OXCT1: variants seen among roughly 807,000 people sequenced by gnomAD.
OXCT1 encodes the protein succinyl-CoA:3-ketoacid coenzyme A transferase 1, mitochondrial.
A neutral mutation model predicts 69.6 loss-of-function variants in OXCT1; 27 were observed. The ratio of observed to expected loss-of-function variants is 0.39; its 90% CI spans 0.29 to 0.54. The LOEUF is 0.54. Ranked by LOEUF, OXCT1 falls within the 20% of genes least tolerant of loss-of-function variation. The pLI is 0.72. For missense variants in OXCT1, 437 were observed against 650.2 expected, an observed-to-expected ratio of 0.67 and a Z score of 3.57; for synonymous variants, 202 against 217.8, an observed-to-expected ratio of 0.93 and a Z score of 0.64.
intron 7 of OXCT1, among the ~76,000 whole-genome samples, chr5:41,820,271 T>G (rs1454320289): frequency 6.6e-6 from 1 of 152,198 alleles, no homozygotes; most frequent in African/African-American, 2.4e-5. Flanking sequence ...ATAACATCCA[T>G]GTTGTTGAGA....
At chr5:41,802,168 A>G (rs1275719284) in intron 10 of OXCT1, among the ~76,000 whole-genome samples, 1 of 152,066 alleles carries the variant, frequency 6.6e-6, no homozygotes, top group Non-Finnish European at 1.5e-5. Context: ...CTTTTATCCA[A>G]ATATATATCA....
intron 4 of OXCT1, among the ~76,000 whole-genome samples, chr5:41,852,801 T>C (rs979159698): frequency 1.3e-5 from 2 of 152,164 alleles, no homozygotes; most frequent in Non-Finnish European, 2.9e-5. Context: ...TGGAGAGGCA[T>C]GGTGGCTTAC....
At chr5:41,758,735 C>T (rs1285337614) in intron 14 of OXCT1, among the ~76,000 whole-genome samples, 1 of 152,124 alleles carries the variant, frequency 6.6e-6, no homozygotes, top group East Asian at 1.9e-4. Flanking sequence ...CAGGTTTGTA[C>T]CCAAGGCTGC....
intron 7 of OXCT1, among the ~76,000 whole-genome samples, chr5:41,830,894 C>T (rs1169127945): frequency 2.0e-5 from 3 of 152,052 alleles, no homozygotes; most frequent in Non-Finnish European, 4.4e-5. Flanking sequence ...GCATGATGCC[C>T]CAAATCTCTA....
chr5:41,818,633 C>T (rs1747373048), intron 7 of OXCT1, among the ~76,000 whole-genome samples: 1 of 152,106 alleles, frequency 6.6e-6, no homozygotes, highest in South Asian at 2.1e-4. Context: ...TACCTTTTCT[C>T]GCTTTTATTA....
At chr5:41,814,443 C>A (rs1407158247) in intron 7 of OXCT1, among the ~76,000 whole-genome samples, 1 of 152,008 alleles carries the variant, frequency 6.6e-6, no homozygotes, top group Non-Finnish European at 1.5e-5. Flanking sequence ...TATTGCGGCT[C>A]TATTCACAAT....
At chr5:41,733,022 G>T (rs1402726819) in intron 16 of OXCT1, among the ~76,000 whole-genome samples, 1 of 152,042 alleles carries the variant, frequency 6.6e-6, no homozygotes, top group Non-Finnish European at 1.5e-5. Context: ...GCATGATTTG[G>T]TATATAGCTT....
intron 11 of OXCT1, among the ~76,000 whole-genome samples, chr5:41,797,760 C>T (rs1292034710): frequency 1.3e-5 from 2 of 152,150 alleles, no homozygotes; most frequent in Non-Finnish European, 2.9e-5. Flanking sequence ...ATCAGAATCA[C>T]ATGGAAGATT....
intron 11 of OXCT1, among the ~76,000 whole-genome samples, chr5:41,796,961 T>C (rs1368250999): frequency 6.6e-6 from 1 of 152,116 alleles, no homozygotes; most frequent in East Asian, 1.9e-4. Flanking sequence ...TATGGTGGGG[T>C]TGTATGGCCA....
intron 16 of OXCT1, among the ~76,000 whole-genome samples, chr5:41,738,486 G>A (rs890674225): frequency 6.6e-6 from 1 of 152,170 alleles, no homozygotes; most frequent in African/African-American, 2.4e-5. Flanking sequence ...TGCCACATAA[G>A]ACGTGCCTTT....
At position 41,843,608 on chromosome 5, in the gene OXCT1, C is replaced by T. The variant is rs944883098; in HGVS notation, c.565-827G>A. ...TCTTTTATTCTTGACGGTTTATTTC[C>T]GGGAATTAAAACAAGCATCCATTGC... On this transcript the variant is annotated intron_variant, in intron 5 of 16. Transcript: ENST00000196371. The T allele has an allele frequency of 1.5e-5, 7 of 455,782 alleles. No individual in the cohort carries two copies. In the East Asian group the frequency reaches 4.2e-4, roughly 27 times the overall value. The allele number at this position is 455,782 out of a possible 1,614,324, so 28.2% of individuals were successfully genotyped here. A position where few individuals can be genotyped will look rare whatever the true frequency, so the allele number is the denominator to read the frequency against.
intron 7 of OXCT1, among the ~76,000 whole-genome samples, chr5:41,824,454 G>C: frequency 6.6e-6 from 1 of 151,844 alleles, no homozygotes; most frequent in East Asian, 1.9e-4. Context: ...CTATTTCCTG[G>C]GAATGAATTT....
chr5:41,863,529 C>T (rs549179904), intron 1 of OXCT1, among the ~76,000 whole-genome samples: 14 of 152,230 alleles, frequency 9.2e-5, no homozygotes, highest in East Asian at 5.8e-4. Flanking sequence ...AAAAGCCTGG[C>T]GCTTTAAGTG....
At chr5:41,817,490 T>G (rs1429454951) in intron 7 of OXCT1, among the ~76,000 whole-genome samples, 1 of 152,204 alleles carries the variant, frequency 6.6e-6, no homozygotes, top group Non-Finnish European at 1.5e-5. Context: ...TTGTGTAGTA[T>G]CTTTCTAATT....
chr5:41,854,562 A>G (rs1294733664), intron 3 of OXCT1, among the ~76,000 whole-genome samples: 1 of 152,016 alleles, frequency 6.6e-6, no homozygotes, highest in Admixed American at 6.6e-5. Flanking sequence ...AGAATACTTG[A>G]CCTTAAGCTT....
intron 7 of OXCT1, among the ~76,000 whole-genome samples, chr5:41,810,952 T>G (rs1468438142): frequency 6.6e-6 from 1 of 151,870 alleles, no homozygotes; most frequent in Admixed American, 6.6e-5. Context: ...TTCCAGGCTT[T>G]CTTCCTGACT....
At chr5:41,866,837 T>C (rs569427419) in intron 1 of OXCT1, among the ~76,000 whole-genome samples, 2 of 152,320 alleles carry the variant, frequency 1.3e-5, no homozygotes, top group African/African-American at 4.8e-5. Flanking sequence ...AAGGAGTAAT[T>C]CATTCTACCT....
intron 9 of OXCT1, 71 bp from the exon 10 acceptor site, chr5:41,803,234 A>G: frequency 1.1e-6 from 1 of 943,040 alleles, no homozygotes; most frequent in Non-Finnish European, 1.7e-6. Flanking sequence ...TTCTACATAT[A>G]CAGATCTGAA....
chr5:41,734,926 G>A (rs1292993828), intron 16 of OXCT1, among the ~76,000 whole-genome samples: 1 of 152,124 alleles, frequency 6.6e-6, no homozygotes, highest in African/African-American at 2.4e-5. Flanking sequence ...CATTAGAATG[G>A]CCACTATTAA....
Sources: allele counts gnomAD v4.1 joint callset (sites outside exome capture counted in the v4.1 genomes callset), GRCh38; gene constraint gnomAD v4.1.1; transcripts MANE v1.5; gene names NCBI Gene and HGNC (gene_info 2026-07-23, HGNC 2026-07-21).